DAB1: variants seen among roughly 807,000 people sequenced by gnomAD.
DAB1 encodes disabled homolog 1.
DAB1 carries 15 observed loss-of-function variants against 64.6 expected under a neutral mutation model. The observed-to-expected ratio is 0.23, with a 90% confidence interval of 0.16 to 0.36. The LOEUF (loss-of-function observed/expected upper bound fraction) is 0.36, where lower values mean the gene tolerates loss of function less well. DAB1 is among the 10% of genes least tolerant of loss of function. DAB1 has a pLI of 1.00. For missense variants in DAB1, 596 were observed against 706.7 expected (o/e 0.84, Z 1.78); for synonymous variants, 235 against 251.9 (o/e 0.93, Z 0.64).
At chr1:58,116,417 A>T (rs1195514757) in intron 5 of DAB1, among the ~76,000 whole-genome samples, 1 of 152,240 alleles carries the variant, frequency 6.6e-6, no homozygotes, top group Non-Finnish European at 1.5e-5. Context: ...CCTAATTGAT[A>T]CAGTAGCCAA....
At chr1:58,351,887 C>T (rs963422335) in intron 3 of DAB1, among the ~76,000 whole-genome samples, 1 of 146,938 alleles carries the variant, frequency 6.8e-6, no homozygotes, top group Non-Finnish European at 1.5e-5. Flanking sequence ...TTTCTAAGGA[C>T]GGTGAGTCTA....
intron 6 of DAB1, among the ~76,000 whole-genome samples, chr1:57,682,315 C>A (rs965972009): frequency 6.6e-6 from 1 of 150,550 alleles, no homozygotes; most frequent in African/African-American, 2.5e-5. Context: ...CAAGAAAAAT[C>A]TCTAGTAGCA....
At chr1:58,332,088 C>A (rs1000552651) in intron 4 of DAB1, among the ~76,000 whole-genome samples, 4 of 152,180 alleles carry the variant, frequency 2.6e-5, no homozygotes, top group African/African-American at 9.7e-5. Flanking sequence ...CCTGCATCAC[C>A]CTTCCTCTGT....
chr1:57,028,670 G>T (rs940222301), intron 9 of DAB1, among the ~76,000 whole-genome samples: 5 of 152,198 alleles, frequency 3.3e-5, no homozygotes, highest in African/African-American at 1.2e-4. Flanking sequence ...AGATAGAGAT[G>T]AGGAACTGGT....
At chr1:57,159,875 A>AAAAAAAAT (rs1660585564) in intron 2 of DAB1, among the ~76,000 whole-genome samples, 2 of 148,502 alleles carry the variant, frequency 1.3e-5, no homozygotes, top group Non-Finnish European at 3.0e-5. Context: ...AAAAAAAAAA[A>AAAAAAAAT]AAGGAAAAAC....
chr1:57,737,808 C>A (rs913436707), intron 6 of DAB1, among the ~76,000 whole-genome samples: 3 of 152,196 alleles, frequency 2.0e-5, no homozygotes, highest in African/African-American at 7.2e-5. Flanking sequence ...TATACCCTCA[C>A]ACAATCCTTT....
chr1:57,394,774 T>C (rs1239214502), intron 1 of DAB1, among the ~76,000 whole-genome samples: 1 of 152,216 alleles, frequency 6.6e-6, no homozygotes, highest in Non-Finnish European at 1.5e-5. Flanking sequence ...CCTTTAACTG[T>C]GCATTGAGAA....
At chr1:57,370,420 T>G (rs1419965329) in intron 1 of DAB1, among the ~76,000 whole-genome samples, 4 of 152,212 alleles carry the variant, frequency 2.6e-5, no homozygotes, top group Admixed American at 2.6e-4. Context: ...TCCAGACCAC[T>G]GTTTACTCAT....
chr1:57,343,094 C>T (rs969592733), intron 1 of DAB1, among the ~76,000 whole-genome samples: 6 of 151,976 alleles, frequency 3.9e-5, no homozygotes, highest in East Asian at 1.9e-4. Flanking sequence ...TTTGACAGGG[C>T]GCTGATTGGT....
In DAB1 at chr1:58,348,766, C is replaced by G. The variant is rs79836855; in HGVS notation, n.258-5363G>C. 6.9e-3 allele frequency among the ~76,000 whole-genome samples: 1,056 copies of G among 152,266 alleles called. 14 individuals carry two copies. The highest frequency in any genetic ancestry group is 0.025 in the African/African-American group (1,022 of 41,560). The stretch of plus-strand genomic sequence containing the variant: ...CACACGTTGGGAAGTTTTTTTGGCA[C>G]ATGAAATGCTAAATTAGAGTAAATA... On this transcript the variant is annotated intron_variant and non_coding_transcript_variant, in intron 3 of 20. Coordinates refer to the DAB1 transcript ENST00000485760.
chr1:57,660,543 C>CA (rs1646374553), intron 6 of DAB1, among the ~76,000 whole-genome samples: 1 of 152,200 alleles, frequency 6.6e-6, no homozygotes. Flanking sequence ...ATGGAGAGAT[C>CA]AGCCTAGGTG....
intron 4 of DAB1, among the ~76,000 whole-genome samples, chr1:58,335,492 G>T (rs1260307824): frequency 6.6e-6 from 1 of 151,970 alleles, no homozygotes; most frequent in Admixed American, 6.6e-5. Flanking sequence ...GGGGGTCACT[G>T]CATTGCACAA....
intron 4 of DAB1, among the ~76,000 whole-genome samples, chr1:58,163,741 A>G (rs1655670462): frequency 6.6e-6 from 1 of 152,120 alleles, no homozygotes. Flanking sequence ...AGAAGTGATG[A>G]CCCAAGGCAG....
chr1:58,312,084 T>G (rs1291138321), intron 4 of DAB1, among the ~76,000 whole-genome samples: 3 of 152,114 alleles, frequency 2.0e-5, no homozygotes, highest in African/African-American at 7.2e-5. Flanking sequence ...AGACACAAAG[T>G]TCCCTGTTGT....
intron 9 of DAB1, among the ~76,000 whole-genome samples, chr1:57,053,378 G>T (rs1649383620): frequency 6.6e-6 from 1 of 151,952 alleles, no homozygotes; most frequent in Non-Finnish European, 1.5e-5. Flanking sequence ...CCCCCGAGTA[G>T]CTAGGACTAC....
At chr1:57,339,812 T>C (rs150207150) in intron 1 of DAB1, among the ~76,000 whole-genome samples, 2 of 152,362 alleles carry the variant, frequency 1.3e-5, no homozygotes, top group Non-Finnish European at 2.9e-5. Context: ...AATATAGTTA[T>C]GACAAAATGA....
rs563759059 is a variant in DAB1, at chr1:58,394,458, AC to A, written n.258-51056del. On this transcript the variant is annotated intron_variant and non_coding_transcript_variant, in intron 3 of 20. Coordinates refer to the DAB1 transcript ENST00000485760. ...TATTCTCAACAGCCAAAAAGTGGAA[AC>A]AATCCAAATGTCCATTACCTCGTGA... Among the ~76,000 whole-genome samples the A allele has an allele frequency of 1.4e-3, 209 of 152,360 alleles. 1 individual carries two copies. Among genetic ancestry groups the A allele is most frequent in the African/African-American group, 4.9e-3 (205 of 41,590 alleles).
At chr1:57,904,893 C>T (rs1197880132) in intron 5 of DAB1, among the ~76,000 whole-genome samples, 2 of 152,072 alleles carry the variant, frequency 1.3e-5, no homozygotes, top group Non-Finnish European at 2.9e-5. Context: ...TGGGAACTCA[C>T]TGGAGAATCT....
chr1:57,371,604 C>T (rs1446845875), intron 1 of DAB1, among the ~76,000 whole-genome samples: 1 of 152,156 alleles, frequency 6.6e-6, no homozygotes, highest in African/African-American at 2.4e-5. Flanking sequence ...CAGTACTAGG[C>T]CATGGGGAAA....
Sources: gnomAD v4.1 joint callset for allele counts (sites outside exome capture counted in the v4.1 genomes callset) on GRCh38, gnomAD v4.1.1 for gene constraint, MANE v1.5 for transcripts, NCBI Gene and HGNC (gene_info 2026-07-23, HGNC 2026-07-21) for gene names.